The following CNOT1 variants were observed in gnomAD, a reference collection of about 807,000 sequenced individuals.
CNOT1 encodes CCR4-associated factor 1.
A neutral mutation model predicts 273.8 loss-of-function variants in CNOT1; 15 were observed. That is an observed-to-expected ratio of 0.05 (90% confidence interval 0.04 to 0.08). The LOEUF (loss-of-function observed/expected upper bound fraction) is 0.08, where lower values mean the gene tolerates loss of function less well. Ranked by LOEUF, CNOT1 falls within the 10% of genes least tolerant of loss-of-function variation. The probability of loss-of-function intolerance (pLI) is 1.00; values close to 1 mark genes in which losing one functional copy is unlikely to be tolerated. For synonymous variants in CNOT1, 1,022 were observed against 1,005.5 expected, an observed-to-expected ratio of 1.02 and a Z score of -0.31; for missense variants, 1,644 against 2,912.2, an observed-to-expected ratio of 0.56 and a Z score of 10.02.
At chr16:58,569,476 T>C (rs528062604) in intron 16 of CNOT1, among the ~76,000 whole-genome samples, 1 of 150,786 alleles carries the variant, frequency 6.6e-6, no homozygotes, top group Non-Finnish European at 1.5e-5. Context: ...AAGGAAAACA[T>C]AGGAATACTA....
At chr16:58,557,239 G>C (rs924310988) in intron 18 of CNOT1, among the ~76,000 whole-genome samples, 1 of 152,070 alleles carries the variant, frequency 6.6e-6, no homozygotes, top group African/African-American at 2.4e-5. Context: ...TTGATAATGT[G>C]CAAAAAATTA....
Position 58,580,664 on chromosome 16 carries a change from G to C in CNOT1, c.1312C>G (p.Pro438Ala). The C allele has an allele frequency of 6.2e-7, 1 of 1,612,936 alleles. No homozygotes were observed. Among genetic ancestry groups the C allele is most frequent in the Non-Finnish European group, 8.5e-7 (1 of 1,179,516 alleles). Residue 438 changes from proline (P) to alanine (A), a missense_variant, in exon 12 of 49, where the codon CCA becomes GCA. Physicochemically the swap from Pro to Ala is conservative, Grantham distance 27. Transcript: ENST00000317147. The stretch of plus-strand genomic sequence containing the variant: ...GCAATTTCTCGATTGTCATCCTCTG[G>C]TGGTGCTTTCAGAATATCAGTGGCA... ...TVATDILKAP[P>A]EDDNREIATW...
chr16:58,530,911 G>A (rs1283687949), intron 42 of CNOT1, among the ~76,000 whole-genome samples: 1 of 152,102 alleles, frequency 6.6e-6, no homozygotes, highest in Non-Finnish European at 1.5e-5. Context: ...AGACATAATG[G>A]TCCCTGTGTA....
At chr16:58,554,936 A>AAAAGAAAG (rs1491526396) in intron 21 of CNOT1, among the ~76,000 whole-genome samples, 1 of 29,822 alleles carries the variant, frequency 3.4e-5, no homozygotes, top group Non-Finnish European at 7.0e-5. Flanking sequence ...ACTCCATCTC[A>AAAAGAAAG]AAAAAAAAAA....
chr16:58,599,362 G>A lies in CNOT1; in HGVS notation c.-25C>T. 6.2e-7 allele frequency: 1 copy of A among 1,613,970 alleles called. No homozygotes were observed. The highest frequency in any genetic ancestry group is 8.5e-7 in the Non-Finnish European group (1 of 1,179,980). On this transcript the variant is annotated 5_prime_UTR_variant, in exon 2 of 49. Coordinates refer to ENST00000317147, the MANE Select transcript of CNOT1 (RefSeq NM_016284.5). ...TTGCTGGTTGGGGCGGAAGCAGGCG[G>A]CCGAGCCCGGCGCAAAATCACCATT...
intron 16 of CNOT1, among the ~76,000 whole-genome samples, chr16:58,563,558 C>A (rs1417851507): frequency 6.6e-6 from 1 of 152,128 alleles, no homozygotes; most frequent in Non-Finnish European, 1.5e-5. Flanking sequence ...ACATTAGTTT[C>A]CACAAAAATG....
chr16:58,606,392 A>AAATAAGT (rs2042677544), intron 1 of CNOT1, among the ~76,000 whole-genome samples: 2 of 10,294 alleles, frequency 1.9e-4, no homozygotes, highest in African/African-American at 1.8e-3. Flanking sequence ...CCGTCCCTTA[A>AAATAAGT]AAAAACAAAA....
rs1567398956 is a variant in CNOT1 at position 58,547,404 on chromosome 16, CA to C, written c.3640-109del. 1 of 1,545,358 alleles carries C rather than the reference CA, an allele frequency of 6.5e-7. No homozygotes were observed. The highest frequency in any genetic ancestry group is 2.3e-5 in the East Asian group (1 of 44,206). Reference sequence around the variant, plus strand: ...AGCTTATCCCCAAAACAGGAATCAACATAATGTCTAGTCCTTGCCTTACAAA... The same window carrying C: ...AGCTTATCCCCAAAACAGGAATCAACTAATGTCTAGTCCTTGCCTTACAAA... On this transcript the variant is annotated intron_variant, in intron 26 of 48. Transcript: ENST00000317147. The surrounding 1 kb of genome is among the most constrained non-coding windows in gnomAD (Gnocchi z 4.0).
intron 27 of CNOT1, among the ~76,000 whole-genome samples, chr16:58,546,980 A>T (rs2040277893): frequency 3.3e-5 from 5 of 152,184 alleles, no homozygotes; most frequent in Admixed American, 3.3e-4. Context: ...AAAACAAAAC[A>T]AAACAAAAAA....
chr16:58,609,818 T>C (rs568684885), intron 1 of CNOT1, among the ~76,000 whole-genome samples: 3 of 151,682 alleles, frequency 2.0e-5, no homozygotes, highest in African/African-American at 7.2e-5. Flanking sequence ...CATGAAGGAA[T>C]ATCCTTCTGG....
At chr16:58,551,416 T>C in intron 23 of CNOT1, 144 bp from the exon 24 acceptor site, 1 of 1,193,152 alleles carries the variant, frequency 8.4e-7, no homozygotes, top group Admixed American at 2.5e-5. Flanking sequence ...AGTGAACTAT[T>C]AATATGTTTG....
At chr16:58,570,544 T>C (rs1300560283) in intron 16 of CNOT1, among the ~76,000 whole-genome samples, 1 of 152,196 alleles carries the variant, frequency 6.6e-6, no homozygotes, top group African/African-American at 2.4e-5. Context: ...GAGGACCGCT[T>C]TGAGTCTGGA....
chr16:58,621,973 G>C (rs1266754974), intron 1 of CNOT1, among the ~76,000 whole-genome samples: 1 of 143,186 alleles, frequency 7.0e-6, no homozygotes, highest in African/African-American at 2.6e-5. Context: ...ATGTAAACCA[G>C]AGAATTTGGA....
At chr16:58,626,995 T>C (rs943288081) in intron 1 of CNOT1, among the ~76,000 whole-genome samples, 2 of 152,068 alleles carry the variant, frequency 1.3e-5, no homozygotes, top group Non-Finnish European at 1.5e-5. Context: ...TCCCAAAATA[T>C]GACAGCACTC....
chr16:58,530,170 T>C (rs2039734594), intron 43 of CNOT1, 76 bp downstream of exon 43: 1 of 1,204,006 alleles, frequency 8.3e-7, no homozygotes, highest in East Asian at 2.5e-5. Context: ...AAAAACAAAA[T>C]AAGGCCTCAG....
At chr16:58,582,931 A>C in intron 9 of CNOT1, 28 bp from the exon 10 acceptor site, 1 of 1,613,640 alleles carries the variant, frequency 6.2e-7, no homozygotes. Context: ...GAATTAAACA[A>C]ACCCAACTAC....
rs184245746 is a variant in CNOT1, at chr16:58,622,079, G to A, written c.-175+7649C>T. Among the ~76,000 whole-genome samples the A allele has an allele frequency of 2.2e-4, 33 of 151,026 alleles. No homozygotes were observed. In the East Asian group the frequency reaches 4.0e-3, roughly 18 times the overall value. On this transcript the variant is annotated intron_variant, in intron 1 of 48. Transcript: ENST00000317147. ...TGTAATCCCAGCACTTTGGGAGGCC[G>A]AGGCGGGTGGATCACGAGGTCAGGA...
At chr16:58,593,600 A>AGCACATGCCTGTAGTCCT (rs2042141753) in intron 2 of CNOT1, among the ~76,000 whole-genome samples, 1 of 150,808 alleles carries the variant, frequency 6.6e-6, no homozygotes, top group East Asian at 2.0e-4. Context: ...CAGGCATGGT[A>AGCACATGCCTGTAGTCCT]GCACATGCCT....
At chr16:58,581,612 G>A (rs2041658551) in intron 10 of CNOT1, 97 bp from the exon 11 acceptor site, 4 of 1,418,270 alleles carry the variant, frequency 2.8e-6, no homozygotes, top group Admixed American at 3.0e-5. Context: ...CAATTTAGAT[G>A]TTCTACTTAC....
Sources: gnomAD v4.1 joint callset for allele counts (sites outside exome capture counted in the v4.1 genomes callset) on GRCh38, gnomAD v4.1.1 for gene constraint, Gnocchi (gnomAD v3.1) non-coding constraint, MANE v1.5 for transcripts, NCBI Gene and HGNC (gene_info 2026-07-23, HGNC 2026-07-21) for gene names.